EPHA10: variants seen among roughly 807,000 people sequenced by gnomAD.
EPHA10 encodes ephrin type-A receptor 10.
EPHA10 carries 120 observed loss-of-function variants against 109.7 expected under a neutral mutation model. That is an observed-to-expected ratio of 1.09 (90% CI 0.94 to 1.27). The LOEUF (loss-of-function observed/expected upper bound fraction) is 1.27, where lower values mean the gene tolerates loss of function less well. Ranked by LOEUF, EPHA10 falls within the 50% of genes most tolerant of loss-of-function variation. EPHA10 has a pLI of 0.00. For missense variants in EPHA10, 1,396 were observed against 1,411.1 expected (o/e 0.99, Z 0.17); for synonymous variants, 640 against 618.9 (o/e 1.03, Z -0.51).
intron 10 of EPHA10, 117 bp downstream of exon 10, chr1:37,722,924 G>T: frequency 6.6e-7 from 1 of 1,504,292 alleles, no homozygotes; most frequent in Non-Finnish European, 9.2e-7. Context: ...CCAGACACGA[G>T]CAGAGACCTG....
In EPHA10 at chr1:37,718,805, G is replaced by C; in HGVS notation, c.2768C>G (p.Pro923Arg). The C allele has an allele frequency of 2.5e-6, 4 of 1,611,358 alleles. No homozygotes were observed. Among genetic ancestry groups the C allele is most frequent in the Non-Finnish European group, 3.4e-6 (4 of 1,179,214 alleles). The change falls in exon 16 of 17, where the codon CCA becomes CGA. Residue 923 changes from proline (P) to arginine (R), a missense_variant. Pro to Arg is a moderately radical substitution (Grantham distance 103, BLOSUM62 -2). Coordinates refer to ENST00000373048, the MANE Select transcript of EPHA10 (RefSeq NM_001099439.2). ...ALTTCPRPPT[P>R]LADRAFSTFP... ...GGTGGAGAAGGCACGGTCCGCTAGT[G>C]GGGTGGGAGGCCTGCGGGTCAGAGG...
chr1:37,719,332 A>T, intron 15 of EPHA10, 82 bp downstream of exon 15: 1 of 1,471,384 alleles, frequency 6.8e-7, no homozygotes, highest in Non-Finnish European at 9.3e-7. Flanking sequence ...GGGGTGGTGG[A>T]GGCGGTGGGT....
rs1399006350 is a variant in EPHA10 at position 37,761,578 on chromosome 1, G to A, written c.677C>T (p.Ala226Val). The A allele has an allele frequency of 6.3e-7, 1 of 1,598,596 alleles. No individual in the cohort carries two copies. Among genetic ancestry groups the A allele is most frequent in the Non-Finnish European group, 8.5e-7 (1 of 1,176,902 alleles). ...CACCAGTGTGGAGAAGGCGCTCTCGGCTGCGGTGGCTGGGAACGTGGCCAG... is the reference window on the plus strand; with the variant it reads ...CACCAGTGTGGAGAAGGCGCTCTCGACTGCGGTGGCTGGGAACGTGGCCAG... Reference protein sequence around the residue: ...RGLATFPATAAESAFSTLVEV... With the variant: ...RGLATFPATAVESAFSTLVEV... Residue 226 changes from alanine (A) to valine (V), a missense_variant, in exon 3 of 17, where the codon GCC becomes GTC. Transcript: ENST00000373048.
chr1:37,743,431 G>C (rs140644482), intron 5 of EPHA10, among the ~76,000 whole-genome samples: 1,595 of 152,284 alleles, frequency 0.01, 26 homozygotes, highest in African/African-American at 0.037. Context: ...AACTAAAAGT[G>C]CATCAGCAAA....
chr1:37,761,265 G>C lies in EPHA10; in HGVS notation c.850+140C>G, dbSNP rs1051416380. 3 of 1,510,756 alleles carry C rather than the reference G, an allele frequency of 2.0e-6. No individual in the cohort carries two copies. In the African/African-American group the frequency reaches 4.2e-5, roughly 21 times the overall value. 93.6% of individuals were successfully genotyped at this position (1,510,756 alleles called of 1,614,324 possible). A position where few individuals can be genotyped will look rare whatever the true frequency, so the allele number is the denominator to read the frequency against. Reference sequence around the variant, plus strand: ...ACTGGAAACTCCACAAGACTTCAGGGCTCTCCTTGGGCTCCAGAGTCCAAG... The same window carrying C: ...ACTGGAAACTCCACAAGACTTCAGGCCTCTCCTTGGGCTCCAGAGTCCAAG... On this transcript the variant is annotated intron_variant, in intron 3 of 16. Coordinates refer to ENST00000373048, the MANE Select transcript of EPHA10 (RefSeq NM_001099439.2).
rs780855379 is a variant in EPHA10 at position 37,731,490 on chromosome 1, C to G, written c.1584G>C (p.Gln528His). The change falls in exon 7 of 17, where the codon CAG (glutamine) becomes CAC (histidine). Residue 528 changes from glutamine to histidine, a missense_variant. Transcript: ENST00000373048. The stretch of plus-strand genomic sequence containing the variant: ...ATGGCCCCGGGGAAGCGGCCCGGAT[C>G]TGAAAGACGTAGCGGGTAGCCGGCT... ...NLKPATRYVF[Q>H]IRAASPGPSW... The G allele has an allele frequency of 7.4e-6, 12 of 1,613,984 alleles. No individual in the cohort carries two copies. The highest frequency in any genetic ancestry group is 1.0e-5 in the Non-Finnish European group (12 of 1,180,022).
rs1454200329 is a variant in EPHA10, at chr1:37,720,337, G to C, written c.2412+14C>G. 1.3e-6 allele frequency: 2 copies of C among 1,585,520 alleles called. No homozygotes were observed. Among genetic ancestry groups the C allele is most frequent in the African/African-American group, 2.7e-5 (2 of 74,338 alleles). ...CCAGAAGGCACAGGCAGGCTTGGCT[G>C]GGGGCGCCCTCACCATAGTGGTGTA... On this transcript the variant is annotated intron_variant, in intron 13 of 16. Coordinates refer to ENST00000373048, the MANE Select transcript of EPHA10 (RefSeq NM_001099439.2).
chr1:37,753,014 C>A lies in EPHA10; in HGVS notation c.1219G>T (p.Glu407Ter). The A allele has an allele frequency of 8.1e-7, 1 of 1,227,834 alleles. No individual in the cohort carries two copies. The highest frequency in any genetic ancestry group is 1.0e-6 in the Non-Finnish European group (1 of 986,280). 76.1% of individuals were successfully genotyped at this position (1,227,834 alleles called of 1,614,324 possible). ...AGGTGCAGCAGCGTGGCGGCTCGCT[C>A]CCGCAGCCCTGCCTGGCGCGGTAGG... ...AFLPRQAGLR[E>*]RAATLLHLRP... Residue 407 changes from glutamate to a stop codon, truncating the protein, a stop_gained, in exon 5 of 17, where the codon GAG becomes TAG. Coordinates refer to ENST00000373048, the MANE Select transcript of EPHA10 (RefSeq NM_001099439.2). LOFTEE classifies it high-confidence loss of function.
chr1:37,748,849 C>T (rs1031657950), intron 5 of EPHA10, among the ~76,000 whole-genome samples: 2 of 151,396 alleles, frequency 1.3e-5, no homozygotes, highest in Non-Finnish European at 2.9e-5. Flanking sequence ...GGATTAAAGG[C>T]ACAGGGCTTT....
chr1:37,730,987 T>C (rs368041099), intron 7 of EPHA10, among the ~76,000 whole-genome samples: 190 of 152,292 alleles, frequency 1.2e-3, no homozygotes, highest in African/African-American at 3.7e-3. Context: ...CCATCGCGCC[T>C]GGCCGCAATC....
chr1:37,741,441 G>T (rs1435522383), intron 5 of EPHA10, among the ~76,000 whole-genome samples: 1 of 152,098 alleles, frequency 6.6e-6, no homozygotes, highest in Non-Finnish European at 1.5e-5. Context: ...GCGTGGATGT[G>T]GCTTCTAGTC....
At chr1:37,732,493 T>C (rs931842691) in intron 6 of EPHA10, among the ~76,000 whole-genome samples, 4 of 152,104 alleles carry the variant, frequency 2.6e-5, no homozygotes, top group Admixed American at 6.5e-5. Context: ...TTTCTGACCA[T>C]AGCATTCAGG....
intron 5 of EPHA10, among the ~76,000 whole-genome samples, chr1:37,751,801 A>G (rs2148362845): frequency 6.6e-6 from 1 of 151,962 alleles, no homozygotes; most frequent in East Asian, 1.9e-4. Context: ...TGAACTCGGG[A>G]GGCAGAGGTT....
At chr1:37,739,185 G>T (rs994159118) in intron 5 of EPHA10, among the ~76,000 whole-genome samples, 1 of 151,914 alleles carries the variant, frequency 6.6e-6, no homozygotes, top group African/African-American at 2.4e-5. Flanking sequence ...AAAGAAAAAA[G>T]AATATATGGT....
chr1:37,749,774 C>T (rs1381724432), intron 5 of EPHA10, among the ~76,000 whole-genome samples: 3 of 152,086 alleles, frequency 2.0e-5, no homozygotes, highest in South Asian at 2.1e-4. Flanking sequence ...CTCAGAAATG[C>T]GTTGTTAGGT....
chr1:37,724,189 G>A (rs1328520512), intron 8 of EPHA10, among the ~76,000 whole-genome samples: 1 of 152,218 alleles, frequency 6.6e-6, no homozygotes, highest in Admixed American at 6.5e-5. Context: ...GTGACATGAA[G>A]GTGACAGGGG....
At chr1:37,753,895 C>T (rs1314097103) in intron 4 of EPHA10, among the ~76,000 whole-genome samples, 1 of 152,002 alleles carries the variant, frequency 6.6e-6, no homozygotes, top group East Asian at 1.9e-4. Flanking sequence ...GTCGGGAGCC[C>T]CCCTTTCGGC....
chr1:37,731,362 G>A, intron 7 of EPHA10, 49 bp downstream of exon 7: 1 of 1,509,474 alleles, frequency 6.6e-7, no homozygotes. Context: ...TCAGCCCCGT[G>A]CAGGGTTCTC....
intron 5 of EPHA10, 65 bp from the exon 6 acceptor site, chr1:37,735,455 G>A (rs963636503): frequency 2.0e-6 from 3 of 1,525,944 alleles, no homozygotes; most frequent in African/African-American, 2.7e-5. Context: ...GGGGTGCGGG[G>A]AAGAGGGTGC....
Sources: gnomAD v4.1 joint callset for allele counts (sites outside exome capture counted in the v4.1 genomes callset) on GRCh38, gnomAD v4.1.1 for gene constraint, MANE v1.5 for transcripts, NCBI Gene and HGNC (gene_info 2026-07-23, HGNC 2026-07-21) for gene names.